Variants in RP1 observed in about 807,000 individuals in gnomAD.
RP1 encodes oxygen-regulated protein 1.
Under a neutral mutation model 14.8 loss-of-function variants are expected in RP1, and 16 were observed. The observed-to-expected ratio is 1.08, with a 90% CI of 0.73 to 1.65. RP1 has a LOEUF of 1.65. Among genes scored for constraint, RP1 ranks in the 40% most tolerant of loss-of-function variants. The pLI is 0.00. For synonymous variants in RP1, 876 were observed against 883.6 expected (o/e 0.99, Z 0.15); for missense variants, 2,631 against 2,535.0 (o/e 1.04, Z -0.81).
rs201892201 is a variant in RP1, at chr8:54,622,084, T to A, written c.616-33T>A. On this transcript the variant is annotated intron_variant, in intron 2 of 3. Transcript: ENST00000220676. ...AATTACCACTTAGTATAAAATGTGCTCATCTCAGGATAATGACTCTGGTCT... is the reference window on the plus strand; with the variant it reads ...AATTACCACTTAGTATAAAATGTGCACATCTCAGGATAATGACTCTGGTCT... 2.9e-5 allele frequency: 46 copies of A among 1,610,020 alleles called. No individual in the cohort carries two copies. In the South Asian group the frequency reaches 3.8e-4, roughly 13 times the overall value.
rs545418319 is a variant in RP1 at position 54,628,843 on chromosome 8, C to T, written c.4961C>T (p.Ser1654Phe). The change falls in exon 4 of 4, where the codon TCT becomes TTT. Residue 1654 changes from serine to phenylalanine, a missense_variant. By Grantham distance (155) the Ser-to-Phe change is radical. Coordinates refer to ENST00000220676, the MANE Select transcript of RP1 (RefSeq NM_006269.2). ...TTTTTTCCTGGGTCTACCCGCAAATCTCAGGTTTGTCCTTATAATTCTGTG... is the reference window on the plus strand; with the variant it reads ...TTTTTTCCTGGGTCTACCCGCAAATTTCAGGTTTGTCCTTATAATTCTGTG... Reference protein sequence around the residue: ...PSFFPGSTRKSQVCPYNSVEF... With the variant: ...PSFFPGSTRKFQVCPYNSVEF... 1.9e-6 allele frequency: 3 copies of T among 1,614,072 alleles called. No homozygotes were observed. The highest frequency in any genetic ancestry group is 2.5e-6 in the Non-Finnish European group (3 of 1,179,976).
In RP1 at chr8:54,627,958, C is replaced by T. The variant is rs1585566374; in HGVS notation, c.4076C>T (p.Thr1359Ile). ...ENTYTDNLDS[T>I]EELERGDDIQ... ...ACATATACTGATAACTTGGATTCAA[C>T]TGAAGAGTTAGAAAGAGGTGATGAC... The change falls in exon 4 of 4, where the codon ACT (threonine) becomes ATT (isoleucine). Residue 1359 changes from threonine (T) to isoleucine (I), a missense_variant. Coordinates refer to ENST00000220676, the MANE Select transcript of RP1 (RefSeq NM_006269.2). 5 of 1,614,054 alleles carry T rather than the reference C, an allele frequency of 3.1e-6. No individual in the cohort carries two copies. The highest frequency in any genetic ancestry group is 2.2e-5 in the South Asian group (2 of 91,082).
chr8:54,852,760 C>A (rs191656490), intron 26 of RP1: 16 of 1,227,406 alleles, frequency 1.3e-5, no homozygotes, highest in Non-Finnish European at 1.6e-5. Flanking sequence ...CAGTTTTTAC[C>A]GACTATCGTT....
At chr8:54,832,585 C>T (rs1412206463) in intron 24 of RP1, among the ~76,000 whole-genome samples, 1 of 151,716 alleles carries the variant, frequency 6.6e-6, no homozygotes, top group African/African-American at 2.4e-5. Flanking sequence ...CTGCTAATTC[C>T]AACATCCATG....
chr8:54,853,257 G>T (rs140853034), intron 26 of RP1, among the ~76,000 whole-genome samples: 1 of 152,172 alleles, frequency 6.6e-6, no homozygotes, highest in Non-Finnish European at 1.5e-5. Flanking sequence ...GAAAAGTGGC[G>T]ATAGTGTGAG....
At chr8:54,571,157 G>T (rs368834852) in intron 1 of RP1, among the ~76,000 whole-genome samples, 382 of 872 alleles carry the variant, frequency 0.44, no homozygotes, top group African/African-American at 0.48. Flanking sequence ...CACACACTGT[G>T]CCCTCCCCCT....
At position 54,629,428 on chromosome 8, in the gene RP1, A is replaced by C. The variant is rs746024920; in HGVS notation, c.5546A>C (p.Asn1849Thr). The change falls in exon 4 of 4, where the codon AAT becomes ACT. Residue 1849 changes from asparagine to threonine, a missense_variant. Transcript: ENST00000220676. Reference sequence around the variant, plus strand: ...ACCTGTGCCAAGGAAAGAATAGCAAATCATCATACAGAGGAGAAGGGTAGT... The same window carrying C: ...ACCTGTGCCAAGGAAAGAATAGCAACTCATCATACAGAGGAGAAGGGTAGT... ...NETCAKERIA[N>T]HHTEEKGSHQ... 6.2e-7 allele frequency: 1 copy of C among 1,614,172 alleles called. No homozygotes were observed. The highest frequency in any genetic ancestry group is 1.7e-5 in the Admixed American group (1 of 60,034).
chr8:54,803,748 T>G (rs1448720761), intron 24 of RP1, among the ~76,000 whole-genome samples: 1 of 152,176 alleles, frequency 6.6e-6, no homozygotes, highest in Non-Finnish European at 1.5e-5. Flanking sequence ...TACATAAATA[T>G]TACATGTATA....
At chr8:54,866,771 A>G (rs1001002967) in intron 28 of RP1, among the ~76,000 whole-genome samples, 1 of 152,160 alleles carries the variant, frequency 6.6e-6, no homozygotes, top group Non-Finnish European at 1.5e-5. Context: ...GGAACATGGG[A>G]AATGTTAACG....
chr8:54,824,196 A>G (rs1007417122), intron 24 of RP1, among the ~76,000 whole-genome samples: 1 of 152,172 alleles, frequency 6.6e-6, no homozygotes, highest in African/African-American at 2.4e-5. Flanking sequence ...AAGAGAAGAT[A>G]AATTACTAAT....
At chr8:54,685,070 A>T (rs111626601) in intron 12 of RP1, among the ~76,000 whole-genome samples, 1 of 152,250 alleles carries the variant, frequency 6.6e-6, no homozygotes, top group African/African-American at 2.4e-5. Context: ...TGATAGGTGC[A>T]GCAGTCTGTC....
At chr8:54,572,294 A>G (rs1804540882) in intron 1 of RP1, among the ~76,000 whole-genome samples, 1 of 152,260 alleles carries the variant, frequency 6.6e-6, no homozygotes, top group South Asian at 2.1e-4. Flanking sequence ...TTGACTGAAC[A>G]TCCCATAAGA....
intron 3 of RP1, among the ~76,000 whole-genome samples, chr8:54,647,594 T>A (rs1371216266): frequency 1.3e-5 from 2 of 152,172 alleles, no homozygotes; most frequent in Admixed American, 1.3e-4. Flanking sequence ...GCCATTTAAG[T>A]CAGTAGTTCT....
At chr8:54,590,578 TCTC>T (rs1805023820) in intron 1 of RP1, among the ~76,000 whole-genome samples, 1 of 152,140 alleles carries the variant, frequency 6.6e-6, no homozygotes, top group African/African-American at 2.4e-5. Context: ...TTTTGGAAGC[TCTC>T]CTCCTCTACA....
At chr8:54,827,332 T>A (rs983665936) in intron 24 of RP1, among the ~76,000 whole-genome samples, 3 of 68,186 alleles carry the variant, frequency 4.4e-5, no homozygotes, top group African/African-American at 1.4e-4. Flanking sequence ...TATAGTGTAT[T>A]TTTTTTTTTT....
At chr8:54,678,489 T>A in exon 9 of RP1, 1 of 1,534,898 alleles carries the variant, frequency 6.5e-7, no homozygotes, top group Non-Finnish European at 8.7e-7. Flanking sequence ...ATGATGTTGT[T>A]ATCAAGGATC....
intron 16 of RP1, among the ~76,000 whole-genome samples, chr8:54,724,212 A>C (rs931300397): frequency 2.0e-5 from 3 of 152,236 alleles, no homozygotes; most frequent in Non-Finnish European, 4.4e-5. Flanking sequence ...GAAAAATATG[A>C]CAAAATATGT....
chr8:54,628,338 G>A lies in RP1; in HGVS notation c.4456G>A (p.Gly1486Arg), dbSNP rs143193537. 87 of 1,613,858 alleles carry A rather than the reference G, an allele frequency of 5.4e-5. 2 individuals are homozygous for A. The African/African-American group carries it at 8.3e-4, about 15-fold the overall frequency. Residue 1486 changes from glycine to arginine, a missense_variant, in exon 4 of 4, where the codon GGA becomes AGA. Transcript: ENST00000220676. ...TATCTTTAATACAGTGGTAAATGGAGGAGAGCAAGCCACTGAAGAATTAAT... is the reference window on the plus strand; with the variant it reads ...TATCTTTAATACAGTGGTAAATGGAAGAGAGCAAGCCACTGAAGAATTAAT... ...TDIFNTVVNG[G>R]EQATEELIQE...
chr8:54,579,311 G>C (rs1804727364), intron 1 of RP1, among the ~76,000 whole-genome samples: 1 of 152,168 alleles, frequency 6.6e-6, no homozygotes, highest in Non-Finnish European at 1.5e-5. Flanking sequence ...TAAGCAAACC[G>C]AGGATGAGAC....
Sources: allele counts gnomAD v4.1 joint callset (sites outside exome capture counted in the v4.1 genomes callset), GRCh38; gene constraint gnomAD v4.1.1; transcripts MANE v1.5; gene names NCBI Gene and HGNC (gene_info 2026-07-23, HGNC 2026-07-21).